The following DRC1 variants were observed in gnomAD, a reference collection of about 807,000 sequenced individuals.
The protein encoded by DRC1 is dynein regulatory complex protein 1.
DRC1 carries 74 observed loss-of-function variants against 98.7 expected under a neutral mutation model. That is an observed-to-expected ratio of 0.75 (90% CI 0.62 to 0.91). DRC1 has a LOEUF of 0.91. DRC1 is among the 40% of genes least tolerant of loss of function. The pLI, the probability that DRC1 is intolerant of heterozygous loss-of-function variation, is 0.00. For synonymous variants in DRC1, 336 were observed against 334.1 expected (o/e 1.01, Z -0.06); for missense variants, 875 against 886.0 (o/e 0.99, Z 0.16).
chr2:26,445,420 G>C (rs1197933079), intron 10 of DRC1, among the ~76,000 whole-genome samples: 1 of 152,172 alleles, frequency 6.6e-6, no homozygotes, highest in Non-Finnish European at 1.5e-5. Flanking sequence ...CAGGATAGAT[G>C]CTTATTTTTT....
intron 6 of DRC1, among the ~76,000 whole-genome samples, chr2:26,431,621 T>C (rs756202702): frequency 2.6e-5 from 4 of 152,158 alleles, no homozygotes; most frequent in Non-Finnish European, 4.4e-5. Flanking sequence ...CTTTTTTTTT[T>C]CAAATATTTA....
chr2:26,446,155 G>A (rs2148001862), intron 10 of DRC1, among the ~76,000 whole-genome samples: 1 of 149,028 alleles, frequency 6.7e-6, no homozygotes, highest in African/African-American at 2.5e-5. Context: ...GGAGGGCAGT[G>A]GTGGGATCTC....
Position 26,444,857 on chromosome 2 carries a change from T to C in DRC1, c.1305T>C (p.Pro435=). 9 of 1,614,220 alleles carry C rather than the reference T, an allele frequency of 5.6e-6. No homozygotes were observed. Among genetic ancestry groups the C allele is most frequent in the Non-Finnish European group, 7.6e-6 (9 of 1,180,038 alleles). Residue 435 remains proline (P), a synonymous_variant, in exon 10 of 17, where the codon CCT becomes CCC. Transcript: ENST00000288710. ...THHLGLPWAA[P]DFWFLNNVGP... ...ATCTGGGGCTTCCCTGGGCAGCACC[T>C]GATTTCTGGTTCCTGAACAATGTTG...
intron 8 of DRC1, among the ~76,000 whole-genome samples, chr2:26,441,146 C>T (rs1663707684): frequency 6.6e-6 from 1 of 152,178 alleles, no homozygotes; most frequent in African/African-American, 2.4e-5. Context: ...ATCCTTCCTG[C>T]CTTTCTTCCT....
intron 2 of DRC1, among the ~76,000 whole-genome samples, chr2:26,418,557 TTTATATATAA>T (rs1678895059): frequency 8.4e-5 from 8 of 94,906 alleles, no homozygotes; most frequent in African/African-American, 3.9e-4. Flanking sequence ...TTATATATAA[TTTATATATAA>T]TATATATTAT....
At chr2:26,429,868 G>A in intron 5 of DRC1, 103 bp downstream of exon 5, 4 of 1,251,734 alleles carry the variant, frequency 3.2e-6, no homozygotes, top group Non-Finnish European at 4.4e-6. Flanking sequence ...TGACTTCTCT[G>A]TCCGCTGATT....
chr2:26,444,449 T>C (rs1174477375), intron 9 of DRC1, 93 bp downstream of exon 9: 4 of 1,511,428 alleles, frequency 2.6e-6, no homozygotes, highest in Non-Finnish European at 3.6e-6. Context: ...GGACTTGATG[T>C]CACCAGCTAT....
intron 1 of DRC1, among the ~76,000 whole-genome samples, chr2:26,411,344 G>A (rs6715676): frequency 0.015 from 2,315 of 152,280 alleles, 58 homozygotes; most frequent in African/African-American, 0.053. Flanking sequence ...ATTTTAATAT[G>A]CAATCAGTGT....
intron 4 of DRC1, among the ~76,000 whole-genome samples, chr2:26,424,744 G>A (rs999501588): frequency 6.6e-6 from 1 of 152,138 alleles, no homozygotes; most frequent in Non-Finnish European, 1.5e-5. Flanking sequence ...TTGAGGTCAG[G>A]AGTTTGAGAC....
intron 8 of DRC1, 97 bp from the exon 9 acceptor site, chr2:26,444,125 C>T: frequency 1.3e-6 from 2 of 1,546,640 alleles, no homozygotes; most frequent in Non-Finnish European, 1.8e-6. Context: ...CACAGATCTG[C>T]TCCTGGGTTT....
chr2:26,415,138 T>C (rs975630024), intron 2 of DRC1, among the ~76,000 whole-genome samples: 4 of 152,172 alleles, frequency 2.6e-5, no homozygotes, highest in African/African-American at 9.7e-5. Context: ...GTGCGTAGCT[T>C]GTACTCAGTA....
At chr2:26,410,519 G>A (rs968305031) in intron 1 of DRC1, among the ~76,000 whole-genome samples, 1 of 152,032 alleles carries the variant, frequency 6.6e-6, no homozygotes, top group Non-Finnish European at 1.5e-5. Flanking sequence ...TGATCCACCC[G>A]CCTTGGCCTC....
intron 4 of DRC1, among the ~76,000 whole-genome samples, chr2:26,425,225 G>A (rs1004081669): frequency 1.3e-5 from 2 of 152,156 alleles, no homozygotes; most frequent in African/African-American, 2.4e-5. Flanking sequence ...AGTATAGATG[G>A]ACTTCGTTGT....
chr2:26,409,098 A>AT (rs748498967), intron 1 of DRC1, among the ~76,000 whole-genome samples: 216 of 141,792 alleles, frequency 1.5e-3, no homozygotes, highest in African/African-American at 2.0e-3. Flanking sequence ...TGCCCGGCTA[A>AT]TTTTTTTTTT....
intron 1 of DRC1, among the ~76,000 whole-genome samples, chr2:26,413,823 C>T (rs2147979661): frequency 6.6e-6 from 1 of 152,062 alleles, no homozygotes; most frequent in Non-Finnish European, 1.5e-5. Flanking sequence ...TATTTTCTGA[C>T]TTTGGTCTTA....
intron 6 of DRC1, 80 bp downstream of exon 6, chr2:26,430,952 TTCTA>T (rs1304384822): frequency 2.7e-5 from 31 of 1,154,678 alleles, no homozygotes; most frequent in Non-Finnish European, 3.3e-5. Flanking sequence ...GCTAGCCTTT[TTCTA>T]TCTTTTTTTT....
At chr2:26,414,957 C>G (rs1420065049) in intron 2 of DRC1, among the ~76,000 whole-genome samples, 2 of 152,192 alleles carry the variant, frequency 1.3e-5, no homozygotes, top group Non-Finnish European at 2.9e-5. Context: ...TCTTCCTCAG[C>G]CCAGCCTGAG....
chr2:26,409,940 T>C (rs1678547062), intron 1 of DRC1, among the ~76,000 whole-genome samples: 1 of 151,624 alleles, frequency 6.6e-6, no homozygotes, highest in Non-Finnish European at 1.5e-5. Context: ...ACATTAAGAC[T>C]ATATGTGGGG....
intron 7 of DRC1, among the ~76,000 whole-genome samples, chr2:26,438,697 G>A (rs1318839607): frequency 1.3e-5 from 2 of 152,260 alleles, no homozygotes; most frequent in Admixed American, 6.5e-5. Context: ...CCAGTGAAGC[G>A]TCACCTCCTA....
Sources: gnomAD v4.1 joint callset for allele counts (sites outside exome capture counted in the v4.1 genomes callset) on GRCh38, gnomAD v4.1.1 for gene constraint, MANE v1.5 for transcripts, NCBI Gene and HGNC (gene_info 2026-07-23, HGNC 2026-07-21) for gene names.